The following MTUS1 variants were observed in gnomAD, a reference collection of about 807,000 sequenced individuals.
MTUS1 encodes microtubule associated scaffold protein 1, also known as microtubule-associated tumor suppressor 1.
Under a neutral mutation model 120.8 loss-of-function variants are expected in MTUS1, and 109 were observed. The ratio of observed to expected loss-of-function variants is 0.90; its 90% CI spans 0.77 to 1.06. The LOEUF is 1.06. MTUS1 is among the 50% of genes least tolerant of loss of function. The probability of loss-of-function intolerance (pLI) is 0.00; values close to 1 mark genes in which losing one functional copy is unlikely to be tolerated. For missense variants in MTUS1, 2,210 were observed against 1,486.3 expected (o/e 1.49, Z -8.01); for synonymous variants, 737 against 550.5 (o/e 1.34, Z -4.74).
intron 8 of MTUS1, among the ~76,000 whole-genome samples, chr8:17,664,463 C>T (rs1192340752): frequency 6.6e-6 from 1 of 151,580 alleles, no homozygotes; most frequent in Non-Finnish European, 1.5e-5. Flanking sequence ...CCACCCCACC[C>T]CGAAATCCCC....
chr8:17,769,671 A>C (rs1370045615), intron 1 of MTUS1, among the ~76,000 whole-genome samples: 2 of 152,122 alleles, frequency 1.3e-5, no homozygotes, highest in Non-Finnish European at 2.9e-5. Flanking sequence ...CTTAATAAGG[A>C]AAATGGTTTA....
chr8:17,732,333 A>C (rs1414034953), intron 3 of MTUS1, among the ~76,000 whole-genome samples: 2 of 152,142 alleles, frequency 1.3e-5, no homozygotes, highest in African/African-American at 4.8e-5. Context: ...TGTGTTCTTA[A>C]CTGCGCCATT....
At chr8:17,666,873 T>TA (rs924969991) in intron 8 of MTUS1, among the ~76,000 whole-genome samples, 10 of 151,750 alleles carry the variant, frequency 6.6e-5, no homozygotes, top group Non-Finnish European at 1.2e-4. Flanking sequence ...CGTTGGGGTT[T>TA]AAAAAAAACA....
At chr8:17,659,193 CCTT>C (rs1259236708) in intron 8 of MTUS1, among the ~76,000 whole-genome samples, 1 of 152,026 alleles carries the variant, frequency 6.6e-6, no homozygotes, top group Non-Finnish European at 1.5e-5. Context: ...AGCCCGTGCC[CCTT>C]CTTTTCTACC....
chr8:17,715,690 G>A, intron 5 of MTUS1, 77 bp downstream of exon 5: 1 of 1,404,218 alleles, frequency 7.1e-7, no homozygotes, highest in Non-Finnish European at 9.7e-7. Flanking sequence ...AAACCTAATT[G>A]TCAAAATTTA....
chr8:17,784,213 G>C lies in MTUS1; in HGVS notation c.-155+16848C>G, dbSNP rs2051112045. ...TTTAACTGAATCCACATTTACAGTT[G>C]AGAATACTCCTACTCCCTGCTGTTA... is the stretch of plus-strand genomic sequence containing the variant. On this transcript the variant is annotated intron_variant, in intron 1 of 14. Coordinates refer to ENST00000693296, the MANE Select transcript of MTUS1 (RefSeq NM_001363059.2). Among the ~76,000 whole-genome samples, 2 of 151,804 alleles carry C rather than the reference G, an allele frequency of 1.3e-5. 1 individual carries two copies. The highest frequency in any genetic ancestry group is 4.1e-4 in the South Asian group (2 of 4,822).
At chr8:17,680,476 A>C (rs1563190434) in intron 7 of MTUS1, among the ~76,000 whole-genome samples, 1 of 147,728 alleles carries the variant, frequency 6.8e-6, no homozygotes, top group Non-Finnish European at 1.5e-5. Flanking sequence ...AAAAAAAAAA[A>C]AAAAAAAAAA....
intron 4 of MTUS1, among the ~76,000 whole-genome samples, chr8:17,718,557 G>C (rs74327930): frequency 0.019 from 2,817 of 152,122 alleles, 77 homozygotes; most frequent in African/African-American, 0.062. Flanking sequence ...TGCATCCTCA[G>C]AATCATCCTA....
chr8:17,756,011 G>T, intron 1 of MTUS1, 50 bp from the exon 2 acceptor site: 2 of 1,219,316 alleles, frequency 1.6e-6, no homozygotes, highest in Non-Finnish European at 2.2e-6. Flanking sequence ...AAAATTAACA[G>T]GCCACCCCTT....
Position 17,707,222 on chromosome 8 carries a change from C to T in MTUS1, c.2623+5992G>A, listed in dbSNP as rs181063609. Reference sequence around the variant, plus strand: ...CACAGTAGGGAGAAATCTAGAAATCCACCCTTTCAGTTACATAGAAAACTA... The same window carrying T: ...CACAGTAGGGAGAAATCTAGAAATCTACCCTTTCAGTTACATAGAAAACTA... On this transcript the variant is annotated intron_variant, in intron 6 of 14. Transcript: ENST00000693296. Among the ~76,000 whole-genome samples the T allele has an allele frequency of 2.3e-3, 345 of 152,160 alleles. 1 individual carries two copies. The highest frequency in any genetic ancestry group is 7.4e-3 in the African/African-American group (305 of 41,494).
intron 6 of MTUS1, among the ~76,000 whole-genome samples, chr8:17,709,929 C>A (rs1820948029): frequency 6.6e-6 from 1 of 151,850 alleles, no homozygotes; most frequent in African/African-American, 2.4e-5. Context: ...ATGGCGTGAA[C>A]CCGGGAGGCA....
rs748561707 is a variant in MTUS1, at chr8:17,644,006, A to AGAT, written c.*1917_*1919dup. Reference sequence around the variant, plus strand: ...CCTCCTGTTCTCTCCCATCCTCCAAAGATGTTTTATATTAACTGCTATGAG... The same window carrying AGAT: ...CCTCCTGTTCTCTCCCATCCTCCAAAGATGATGTTTTATATTAACTGCTATGAG... On this transcript the variant is annotated 3_prime_UTR_variant, in exon 15 of 15. Transcript: ENST00000693296. 2.6e-5 allele frequency: 4 copies of AGAT among 152,160 alleles called. No homozygotes were observed. In the East Asian group the frequency reaches 7.7e-4, roughly 29 times the overall value. 9.4% of individuals were successfully genotyped at this position (152,160 alleles called of 1,614,324 possible).
chr8:17,737,331 A>G (rs546399662), intron 3 of MTUS1, among the ~76,000 whole-genome samples: 2 of 152,372 alleles, frequency 1.3e-5, no homozygotes, highest in East Asian at 3.9e-4. Context: ...TTATGCATTT[A>G]AAAGAGGGCT....
chr8:17,652,792 C>T (rs535317174), intron 12 of MTUS1, among the ~76,000 whole-genome samples: 3 of 151,062 alleles, frequency 2.0e-5, no homozygotes, highest in African/African-American at 7.3e-5. Flanking sequence ...GCCGAGATCA[C>T]GCCACTACAC....
rs1190269777 is a variant in MTUS1 at position 17,755,607 on chromosome 8, A to G, written c.201T>C (p.Gly67=). 6.2e-7 allele frequency: 1 copy of G among 1,614,198 alleles called. No homozygotes were observed. The highest frequency in any genetic ancestry group is 2.2e-5 in the East Asian group (1 of 44,878). The change falls in exon 2 of 15, where the codon GGT becomes GGC. Residue 67 remains glycine, a synonymous_variant. Transcript: ENST00000693296. ...DYETDPAVVT[G]ENISLSLQGV... Reference sequence around the variant, plus strand: ...CCTGAAGGCTTAAAGAAATATTTTCACCAGTAACTACAGCAGGGTCAGTTT... The same window carrying G: ...CCTGAAGGCTTAAAGAAATATTTTCGCCAGTAACTACAGCAGGGTCAGTTT...
rs1213289347 is a variant in MTUS1, at chr8:17,700,482, G to A, written c.2623+12732C>T. Among the ~76,000 whole-genome samples the A allele has an allele frequency of 4.2e-3, 240 of 56,578 alleles. 1 individual carries two copies. The highest frequency in any genetic ancestry group is 6.3e-3 in the South Asian group (10 of 1,588). The allele number at this position is 56,578 out of a possible 152,430, so 37.1% of individuals were successfully genotyped here. ...CAAAACTCCTCAAAAAAAAAAAAAA[G>A]ATGAGTCTTTATGAAGCAGAGCCTG... On this transcript the variant is annotated intron_variant, in intron 6 of 14. Transcript: ENST00000693296.
chr8:17,751,644 G>A (rs987830583), intron 2 of MTUS1, among the ~76,000 whole-genome samples: 1 of 152,046 alleles, frequency 6.6e-6, no homozygotes, highest in Admixed American at 6.5e-5. Flanking sequence ...TGGATCATGA[G>A]GTCAAGAGAT....
intron 1 of MTUS1, among the ~76,000 whole-genome samples, chr8:17,763,837 C>T (rs2049245390): frequency 6.6e-6 from 1 of 152,176 alleles, no homozygotes; most frequent in Non-Finnish European, 1.5e-5. Flanking sequence ...GAGTGGACAT[C>T]ATATGTACCA....
At chr8:17,745,453 A>AT (rs1226573935) in intron 2 of MTUS1, among the ~76,000 whole-genome samples, 4 of 152,074 alleles carry the variant, frequency 2.6e-5, no homozygotes, top group African/African-American at 2.4e-5. Flanking sequence ...AACACTGCAG[A>AT]TTTTTTTTCT....
Sources: gnomAD v4.1 joint callset for allele counts (sites outside exome capture counted in the v4.1 genomes callset) on GRCh38, gnomAD v4.1.1 for gene constraint, MANE v1.5 for transcripts, NCBI Gene and HGNC (gene_info 2026-07-23, HGNC 2026-07-21) for gene names.